Variants in RPSA2 observed in about 807,000 individuals in gnomAD.
The protein encoded by RPSA2 is ribosomal protein SA 2.
At chr19:23,854,015 A>G in the RPSA2 span, among the ~76,000 whole-genome samples, 2 of 152,184 alleles carry the variant, frequency 1.3e-5, no homozygotes, top group South Asian at 4.1e-4. Context: ...AATTACATTA[A>G]TCCAATAAGC....
the RPSA2 span, among the ~76,000 whole-genome samples, chr19:23,762,725 A>T: frequency 6.6e-6 from 1 of 151,812 alleles, no homozygotes. Flanking sequence ...TTAAGTAGCA[A>T]ATAAGATGCA....
the RPSA2 span, among the ~76,000 whole-genome samples, chr19:23,836,882 G>C: frequency 6.6e-6 from 1 of 151,850 alleles, no homozygotes; most frequent in African/African-American, 2.4e-5. Flanking sequence ...CTGTATATTA[G>C]TCCTTTGTCA....
the RPSA2 span, among the ~76,000 whole-genome samples, chr19:23,764,350 C>T: frequency 6.6e-6 from 1 of 152,228 alleles, no homozygotes; most frequent in Non-Finnish European, 1.5e-5. Context: ...CAAACAACTT[C>T]CTCTCTCCAA....
chr19:23,858,417 G>C, the RPSA2 span, among the ~76,000 whole-genome samples: 4 of 151,826 alleles, frequency 2.6e-5, no homozygotes, highest in Non-Finnish European at 5.9e-5. Context: ...AAATTGAAAA[G>C]AACAACTAGA....
the RPSA2 span, among the ~76,000 whole-genome samples, chr19:23,838,460 G>A: frequency 3.3e-5 from 5 of 152,170 alleles, no homozygotes; most frequent in South Asian, 8.3e-4. Flanking sequence ...GAATGAATTA[G>A]GGAGAGTTCT....
At chr19:23,770,787 C>G in the RPSA2 span, among the ~76,000 whole-genome samples, 1 of 152,034 alleles carries the variant, frequency 6.6e-6, no homozygotes, top group African/African-American at 2.4e-5. Context: ...TTAACATAAC[C>G]CTAATCAAGC....
chr19:23,857,669 T>G, the RPSA2 span, among the ~76,000 whole-genome samples: 3 of 142,262 alleles, frequency 2.1e-5, no homozygotes, highest in East Asian at 6.2e-4. Flanking sequence ...TTTTTTTTTG[T>G]ATTTTTTAGT....
At chr19:23,767,926 C>G in the RPSA2 span, among the ~76,000 whole-genome samples, 2 of 151,948 alleles carry the variant, frequency 1.3e-5, no homozygotes, top group East Asian at 3.9e-4. Context: ...ACCAGCATGC[C>G]CAGCTAATTT....
At chr19:23,839,838 TC>T in the RPSA2 span, among the ~76,000 whole-genome samples, 1 of 152,198 alleles carries the variant, frequency 6.6e-6, no homozygotes, top group Admixed American at 6.5e-5. Flanking sequence ...CTAACTTGAC[TC>T]ACCTCCAGGT....
At chr19:23,759,757 C>T in the RPSA2 span, among the ~76,000 whole-genome samples, 1 of 151,610 alleles carries the variant, frequency 6.6e-6, no homozygotes, top group African/African-American at 2.4e-5. Flanking sequence ...CTCCTGACCT[C>T]GTGATTGGCC....
At chr19:23,764,887 G>A in the RPSA2 span, among the ~76,000 whole-genome samples, 1 of 151,776 alleles carries the variant, frequency 6.6e-6, no homozygotes, top group African/African-American at 2.4e-5. Context: ...TTGAAGTTTT[G>A]CTTTGGAGAA....
At chr19:23,836,483 G>T in the RPSA2 span, among the ~76,000 whole-genome samples, 1 of 152,176 alleles carries the variant, frequency 6.6e-6, no homozygotes, top group East Asian at 1.9e-4. Context: ...AAATATGCAT[G>T]TGCAAGTATC....
the RPSA2 span, among the ~76,000 whole-genome samples, chr19:23,766,697 G>A: frequency 6.0e-5 from 9 of 150,342 alleles, no homozygotes; most frequent in African/African-American, 2.0e-4. Flanking sequence ...CTCGTGATCC[G>A]CCCGCCTCGG....
At chr19:23,852,283 G>A in the RPSA2 span, among the ~76,000 whole-genome samples, 6 of 152,086 alleles carry the variant, frequency 3.9e-5, no homozygotes, top group African/African-American at 1.4e-4. Flanking sequence ...AATAATTAAT[G>A]TTACCTGCTG....
the RPSA2 span, among the ~76,000 whole-genome samples, chr19:23,823,163 T>TC: frequency 6.6e-6 from 1 of 152,092 alleles, no homozygotes; most frequent in Non-Finnish European, 1.5e-5. Flanking sequence ...CCTCTGGGGG[T>TC]CAACTTAATT....
At chr19:23,816,139 A>G in the RPSA2 span, among the ~76,000 whole-genome samples, 27 of 151,262 alleles carry the variant, frequency 1.8e-4, no homozygotes, top group African/African-American at 6.3e-4. Flanking sequence ...TTACTTGTTT[A>G]TTCATTTATT....
At chr19:23,866,284 G>C in the RPSA2 span, among the ~76,000 whole-genome samples, 14,772 of 152,296 alleles carry the variant, frequency 0.097, 993 homozygotes, top group South Asian at 0.2. Flanking sequence ...TGCAGCATCA[G>C]ATCACTCATG....
At chr19:23,781,338 AATTT>A in the RPSA2 span, among the ~76,000 whole-genome samples, 11 of 151,728 alleles carry the variant, frequency 7.2e-5, no homozygotes, top group Admixed American at 2.6e-4. Context: ...TAAGGAGAAT[AATTT>A]ATTTATTTAT....
the RPSA2 span, among the ~76,000 whole-genome samples, chr19:23,824,555 G>A: frequency 2.0e-5 from 2 of 99,452 alleles, no homozygotes; most frequent in Admixed American, 1.1e-4. Context: ...TTATTTTTAA[G>A]CAAAATTGAC....
Sources: gnomAD v4.1 joint callset for allele counts (sites outside exome capture counted in the v4.1 genomes callset) on GRCh38, gnomAD v4.1.1 for gene constraint, MANE v1.5 for transcripts, NCBI Gene and HGNC (gene_info 2026-07-23, HGNC 2026-07-21) for gene names.